Variants in BMP8A observed in about 807,000 individuals in gnomAD.
BMP8A encodes BMP-8A.
A neutral mutation model predicts 36.8 loss-of-function variants in BMP8A; 14 were observed. That is an observed-to-expected ratio of 0.38 (90% confidence interval 0.25 to 0.60). BMP8A has a LOEUF of 0.60. Ranked by LOEUF, BMP8A falls within the 20% of genes least tolerant of loss-of-function variation. BMP8A has a pLI of 0.63. For missense variants in BMP8A, 267 were observed against 551.1 expected (o/e 0.48, Z 5.16); for synonymous variants, 120 against 237.7 (o/e 0.50, Z 4.55).
At chr1:39,504,493 C>T (rs761336160) in intron 1 of BMP8A, among the ~76,000 whole-genome samples, 4 of 152,196 alleles carry the variant, frequency 2.6e-5, no homozygotes, top group Non-Finnish European at 5.9e-5. Flanking sequence ...TTTACACAAA[C>T]ATCTCAATGC....
intron 1 of BMP8A, among the ~76,000 whole-genome samples, chr1:39,493,176 C>T (rs2124299410): frequency 6.6e-6 from 1 of 152,304 alleles, no homozygotes; most frequent in Non-Finnish European, 1.5e-5. Context: ...GGTCTGGGAG[C>T]CAAGGACCAC....
At chr1:39,523,573 C>T in intron 6 of BMP8A, 2 of 1,395,224 alleles carry the variant, frequency 1.4e-6, no homozygotes, top group South Asian at 1.6e-5. Flanking sequence ...TGTGCCGCAC[C>T]ACAGGCAGGA....
At chr1:39,523,258 C>T in intron 6 of BMP8A, 141 bp downstream of exon 6, 1 of 1,044,232 alleles carries the variant, frequency 9.6e-7, no homozygotes, top group Non-Finnish European at 1.4e-6. Context: ...AGTAACGTCG[C>T]TAACTTCCCA....
At chr1:39,495,117 G>T (rs1039929626) in intron 1 of BMP8A, among the ~76,000 whole-genome samples, 3 of 152,176 alleles carry the variant, frequency 2.0e-5, no homozygotes, top group African/African-American at 7.2e-5. Context: ...GGATCTAATA[G>T]CAGGGTCGCT....
intron 1 of BMP8A, among the ~76,000 whole-genome samples, chr1:39,497,565 C>T (rs1219270866): frequency 6.6e-6 from 1 of 152,256 alleles, no homozygotes; most frequent in Non-Finnish European, 1.5e-5. Context: ...CCCTACCCCA[C>T]AATCCCACAG....
intron 1 of BMP8A, among the ~76,000 whole-genome samples, chr1:39,499,219 G>A (rs1645232578): frequency 6.6e-6 from 1 of 152,182 alleles, no homozygotes; most frequent in Admixed American, 6.5e-5. Context: ...CAGTCGGACT[G>A]AGAGGGACGG....
intron 1 of BMP8A, among the ~76,000 whole-genome samples, chr1:39,500,227 G>C (rs1384140593): frequency 6.6e-6 from 1 of 152,226 alleles, no homozygotes; most frequent in African/African-American, 2.4e-5. Context: ...CTACAGTCGA[G>C]GGTATTTTTT....
chr1:39,491,942 AG>A lies in BMP8A; in HGVS notation c.-46del. On this transcript the variant is annotated 5_prime_UTR_variant, in exon 1 of 7. Transcript: ENST00000331593. ...TCGCCGTCGGGGCGTCCCCGGGCCC[AG>A]GGGCGGCGGCGGAGCTGATGTGCGC... is the stretch of plus-strand genomic sequence containing the variant. 9.5e-7 allele frequency: 1 copy of A among 1,057,856 alleles called. No individual in the cohort carries two copies. The highest frequency in any genetic ancestry group is 1.1e-6 in the Non-Finnish European group (1 of 877,786). 65.5% of individuals were successfully genotyped at this position (1,057,856 alleles called of 1,614,324 possible).
intron 6 of BMP8A, among the ~76,000 whole-genome samples, chr1:39,523,322 A>G (rs1234814849): frequency 1.3e-5 from 2 of 151,656 alleles, no homozygotes; most frequent in African/African-American, 4.8e-5. Context: ...ATAGACCCAC[A>G]CCCAAACACG....
In BMP8A at chr1:39,528,516, C is replaced by T. The variant is rs1480401699; in HGVS notation, c.*2718C>T. 6.6e-6 allele frequency among the ~76,000 whole-genome samples: 1 copy of T among 152,214 alleles called. No homozygotes were observed. ...ACCCCCAACCCAGTGGCCATCTTCA[C>T]AACTGCAGCACAGTGCTGGCCCTAA... is the stretch of plus-strand genomic sequence containing the variant. On this transcript the variant is annotated 3_prime_UTR_variant, in exon 7 of 7. Coordinates refer to ENST00000331593, the MANE Select transcript of BMP8A (RefSeq NM_181809.4).
At chr1:39,502,814 C>T (rs1178876355) in intron 1 of BMP8A, among the ~76,000 whole-genome samples, 2 of 152,320 alleles carry the variant, frequency 1.3e-5, no homozygotes, top group East Asian at 1.9e-4. Flanking sequence ...GAGGCCAAGG[C>T]GGGCAGATCA....
Position 39,523,570 on chromosome 1 carries a change from C to T in BMP8A, c.1059+453C>T. ...CGTGTGCACTCACCCACCTGTGCCG[C>T]ACCACAGGCAGGAAGCTTCTAGATG... On this transcript the variant is annotated intron_variant, in intron 6 of 6. Coordinates refer to ENST00000331593, the MANE Select transcript of BMP8A (RefSeq NM_181809.4). The T allele has an allele frequency of 4.3e-6, 6 of 1,394,240 alleles. No homozygotes were observed. In the South Asian group the frequency reaches 8.3e-5, roughly 19 times the overall value. 86.4% of individuals were successfully genotyped at this position (1,394,240 alleles called of 1,614,324 possible).
chr1:39,506,717 G>T (rs910807004), intron 1 of BMP8A, among the ~76,000 whole-genome samples: 1 of 151,708 alleles, frequency 6.6e-6, no homozygotes. Flanking sequence ...CCCCTTCTTT[G>T]TGTACTTCCT....
rs1645390475 is a variant in BMP8A at position 39,515,828 on chromosome 1, G to A, written c.673+3924G>A. On this transcript the variant is annotated intron_variant, in intron 3 of 6. Transcript: ENST00000331593. ...TGGAGACGCTGGAAAGGAAGAGGAC[G>A]CCAGGACGCGCATCATCAGACGCGC... The A allele has an allele frequency of 1.9e-6, 3 of 1,588,684 alleles. 1 individual carries two copies. Among genetic ancestry groups the A allele is most frequent in the Non-Finnish European group, 2.6e-6 (3 of 1,162,836 alleles).
chr1:39,517,206 A>G (rs1029579591), intron 3 of BMP8A, among the ~76,000 whole-genome samples: 4 of 151,984 alleles, frequency 2.6e-5, no homozygotes, highest in Admixed American at 1.3e-4. Flanking sequence ...CATGTTGCCC[A>G]GGCTGGTCTT....
chr1:39,498,832 G>A (rs1267514815), intron 1 of BMP8A, among the ~76,000 whole-genome samples: 3 of 152,018 alleles, frequency 2.0e-5, no homozygotes, highest in African/African-American at 4.8e-5. Flanking sequence ...GGGCCAGGCC[G>A]GGAGAGGAGG....
In BMP8A at chr1:39,525,966, C is replaced by A. The variant is rs2124386572; in HGVS notation, c.*168C>A. ...GGTCCTTTCTCGGTACCTCTGTGCC[C>A]CTCCCCTGGGGTTTGTGGCTGTCAC... is the stretch of plus-strand genomic sequence containing the variant. On this transcript the variant is annotated 3_prime_UTR_variant, in exon 7 of 7. Coordinates refer to ENST00000331593, the MANE Select transcript of BMP8A (RefSeq NM_181809.4). 1 of 1,220,880 alleles carries A rather than the reference C, an allele frequency of 8.2e-7. No homozygotes were observed. The highest frequency in any genetic ancestry group is 1.1e-6 in the Non-Finnish European group (1 of 891,290). The allele number at this position is 1,220,880 out of a possible 1,614,324, so 75.6% of individuals were successfully genotyped here.
chr1:39,503,039 C>G (rs1240804033), intron 1 of BMP8A, among the ~76,000 whole-genome samples: 1 of 152,128 alleles, frequency 6.6e-6, no homozygotes. Flanking sequence ...GAGCAAGACT[C>G]TGTCTTAAAA....
chr1:39,510,759 C>T (rs992520550), intron 1 of BMP8A, among the ~76,000 whole-genome samples: 1 of 152,234 alleles, frequency 6.6e-6, no homozygotes, highest in African/African-American at 2.4e-5. Context: ...CCCTGTCTAC[C>T]AGGTTTCCCT....
Sources: gnomAD v4.1 joint callset for allele counts (sites outside exome capture counted in the v4.1 genomes callset) on GRCh38, gnomAD v4.1.1 for gene constraint, MANE v1.5 for transcripts, NCBI Gene and HGNC (gene_info 2026-07-23, HGNC 2026-07-21) for gene names.